Variants in SERPINB10 observed in about 807,000 individuals in gnomAD.
SERPINB10 encodes the protein serpin B10.
Under a neutral mutation model 39.1 loss-of-function variants are expected in SERPINB10, and 35 were observed. The ratio of observed to expected loss-of-function variants is 0.90; its 90% CI spans 0.68 to 1.19. The LOEUF is 1.19. SERPINB10 is among the 50% of genes most tolerant of loss of function. SERPINB10 has a pLI of 0.00. For synonymous variants in SERPINB10, 190 were observed against 158.1 expected (o/e 1.20, Z -1.52); for missense variants, 546 against 460.5 (o/e 1.19, Z -1.70).
chr18:63,917,605 T>C (rs918347997), intron 3 of SERPINB10, 84 bp downstream of exon 3: 1 of 741,286 alleles, frequency 1.3e-6, no homozygotes, highest in Admixed American at 3.5e-5. Flanking sequence ...CTGAAGCAAC[T>C]TTTAGCAGGT....
chr18:63,928,839 C>CTG (rs896048204), intron 5 of SERPINB10, among the ~76,000 whole-genome samples: 1 of 108,428 alleles, frequency 9.2e-6, no homozygotes, highest in African/African-American at 5.9e-5. Flanking sequence ...TGATTTGGCT[C>CTG]TCTGTCTGTT....
At position 63,934,918 on chromosome 18, in the gene SERPINB10, C is replaced by T; in HGVS notation, c.870C>T (p.His290=). The change falls in exon 8 of 8, where the codon CAC becomes CAT. Residue 290 remains histidine, a synonymous_variant. Coordinates refer to ENST00000238508, the MANE Select transcript of SERPINB10 (RefSeq NM_005024.3). ...TGGAGTTGTATGAAGTGCAGCTACA[C>T]CTTCCCAAGTTCAAGCTGGAAGACA... ...DMMELYEVQL[H]LPKFKLEDSY... is the part of the protein sequence containing the mutation. 1.9e-6 allele frequency: 3 copies of T among 1,614,210 alleles called. No individual in the cohort carries two copies. The highest frequency in any genetic ancestry group is 2.5e-6 in the Non-Finnish European group (3 of 1,180,032).
At chr18:63,930,662 G>C (rs903475888) in intron 6 of SERPINB10, among the ~76,000 whole-genome samples, 4 of 152,140 alleles carry the variant, frequency 2.6e-5, no homozygotes, top group African/African-American at 7.2e-5. Context: ...GCTGGAGTGT[G>C]GCTGGGCCTT....
intron 5 of SERPINB10, among the ~76,000 whole-genome samples, chr18:63,927,504 A>T (rs910340215): frequency 7.2e-5 from 11 of 152,168 alleles, no homozygotes; most frequent in African/African-American, 2.6e-4. Flanking sequence ...CTTGCTCTAT[A>T]ATTCCAAAGT....
intron 4 of SERPINB10, 102 bp downstream of exon 4, chr18:63,918,204 C>A: frequency 8.0e-7 from 1 of 1,256,840 alleles, no homozygotes; most frequent in Non-Finnish European, 1.1e-6. Context: ...GGACAATCTT[C>A]ATGTGGTCAG....
intron 5 of SERPINB10, among the ~76,000 whole-genome samples, chr18:63,924,000 G>A (rs2050163659): frequency 6.6e-6 from 1 of 151,900 alleles, no homozygotes. Flanking sequence ...TCATTAGTGA[G>A]ATCAGTCAGC....
chr18:63,918,276 T>G (rs2093086048), intron 4 of SERPINB10, among the ~76,000 whole-genome samples, 174 bp downstream of exon 4: 1 of 151,976 alleles, frequency 6.6e-6, no homozygotes, highest in South Asian at 2.1e-4. Flanking sequence ...AGGAAACCAA[T>G]AACAGGTCTC....
intron 1 of SERPINB10, among the ~76,000 whole-genome samples, chr18:63,913,683 G>A (rs1226867381): frequency 6.6e-6 from 1 of 151,920 alleles, no homozygotes; most frequent in Non-Finnish European, 1.5e-5. Context: ...CTTGCTTTAT[G>A]GCTGAGCATG....
chr18:63,928,944 C>T (rs1461939035), intron 5 of SERPINB10, among the ~76,000 whole-genome samples: 2 of 152,186 alleles, frequency 1.3e-5, no homozygotes, highest in South Asian at 2.1e-4. Context: ...ATTTCAATTT[C>T]GGTGGCCTAT....
chr18:63,914,117 T>C (rs1314931411), intron 1 of SERPINB10, among the ~76,000 whole-genome samples: 1 of 152,148 alleles, frequency 6.6e-6, no homozygotes, highest in African/African-American at 2.4e-5. Flanking sequence ...ATTTGTGTGA[T>C]AGCCCTTCCT....
intron 6 of SERPINB10, 123 bp from the exon 7 acceptor site, chr18:63,932,925 C>T (rs2144740382): frequency 1.2e-6 from 1 of 854,452 alleles, no homozygotes; most frequent in East Asian, 2.5e-5. Flanking sequence ...CTTTATTCAG[C>T]ATTTAGCAGA....
rs1398806775 is a variant in SERPINB10, at chr18:63,918,145, G to A, written c.372+43G>A. The A allele has an allele frequency of 4.4e-6, 7 of 1,599,578 alleles. No homozygotes were observed. The South Asian group carries it at 4.4e-5, about 10-fold the overall frequency. On this transcript the variant is annotated intron_variant, in intron 4 of 7. Transcript: ENST00000238508. ...ATTTTAAGCTAATGGAAAAGAAAGA[G>A]CAATGTGAGACCAATCAGTAAACTC...
At chr18:63,934,341 TTCTTA>T (rs1464930088) in intron 7 of SERPINB10, among the ~76,000 whole-genome samples, 2 of 150,056 alleles carry the variant, frequency 1.3e-5, no homozygotes, top group African/African-American at 2.5e-5. Context: ...TTGGAGGATT[TTCTTA>T]TCTTTTCTTT....
intron 7 of SERPINB10, among the ~76,000 whole-genome samples, chr18:63,934,544 T>C (rs909395686): frequency 3.3e-5 from 5 of 152,352 alleles, no homozygotes; most frequent in Middle Eastern, 3.4e-3. Flanking sequence ...AATGTATATT[T>C]ATATTTATGT....
rs9967382 is a variant in SERPINB10, at chr18:63,919,833, C to T, written c.418C>T (p.Pro140Ser). 0.25 allele frequency: 393,860 copies of T among 1,601,900 alleles called. 60,134 individuals carry two copies. The highest frequency in any genetic ancestry group is 0.71 in the African/African-American group (52,000 of 73,722). Residue 140 changes from proline (P) to serine (S), a missense_variant, in exon 5 of 8, where the codon CCT becomes TCT. By Grantham distance (74) the Pro-to-Ser change is moderately conservative (BLOSUM62 -1). Transcript: ENST00000238508. ...MKTYFGAEPQ[P>S]VNFVEASDQI... ...AACATATTTTGGTGCAGAACCTCAG[C>T]CTGTTAACTTTGTGGAAGCTTCTGA...
Position 63,929,919 on chromosome 18 carries a change from A to T in SERPINB10, c.491-126A>T, listed in dbSNP as rs1022478904. The stretch of plus-strand genomic sequence containing the variant: ...AGGAATAGTACTTGTCCATTTCCAG[A>T]AAATCAAAAACCAGGACTTTTAAAG... On this transcript the variant is annotated intron_variant, in intron 5 of 7. Transcript: ENST00000238508. 41 of 954,922 alleles carry T rather than the reference A, an allele frequency of 4.3e-5. No homozygotes were observed. In the African/African-American group the frequency reaches 6.1e-4, roughly 14 times the overall value. 59.2% of individuals were successfully genotyped at this position (954,922 alleles called of 1,614,324 possible). A position where few individuals can be genotyped will look rare whatever the true frequency, so the allele number is the denominator to read the frequency against.
At chr18:63,915,150 A>G (rs1182451535) in intron 1 of SERPINB10, among the ~76,000 whole-genome samples, 1 of 152,132 alleles carries the variant, frequency 6.6e-6, no homozygotes, top group South Asian at 2.1e-4. Flanking sequence ...CAATAAGCTT[A>G]TGCTGGAGTT....
chr18:63,913,972 GT>G (rs1240073165), intron 1 of SERPINB10, among the ~76,000 whole-genome samples: 13 of 352 alleles, frequency 0.037, no homozygotes, highest in African/African-American at 0.15. Context: ...GTATAGTTAA[GT>G]CAGTTAAGTC....
intron 1 of SERPINB10, among the ~76,000 whole-genome samples, chr18:63,914,076 G>T (rs2050084803): frequency 6.6e-6 from 1 of 152,042 alleles, no homozygotes; most frequent in African/African-American, 2.4e-5. Context: ...TCTGATATAA[G>T]AATAGCACCC....
Sources: allele counts gnomAD v4.1 joint callset (sites outside exome capture counted in the v4.1 genomes callset), GRCh38; gene constraint gnomAD v4.1.1; transcripts MANE v1.5; gene names NCBI Gene and HGNC (gene_info 2026-07-23, HGNC 2026-07-21).